The following GABRG2 variants were observed in gnomAD, a reference collection of about 807,000 sequenced individuals.
The protein encoded by GABRG2 is gamma-aminobutyric acid type A receptor subunit gamma2.
In GABRG2, 16 loss-of-function variants were observed where a neutral mutation model predicts 56.4. The observed-to-expected ratio is 0.28, with a 90% confidence interval of 0.19 to 0.43. GABRG2 has a LOEUF of 0.43. Ranked by LOEUF, GABRG2 falls within the 20% of genes least tolerant of loss-of-function variation. GABRG2 has a pLI of 1.00. For synonymous variants in GABRG2, 208 were observed against 205.5 expected, an observed-to-expected ratio of 1.01 and a Z score of -0.10; for missense variants, 327 against 582.7, an observed-to-expected ratio of 0.56 and a Z score of 4.52.
intron 7 of GABRG2, among the ~76,000 whole-genome samples, chr5:162,146,902 T>A (rs1280094144): frequency 2.6e-5 from 4 of 152,222 alleles, no homozygotes; most frequent in Non-Finnish European, 5.9e-5. Context: ...CATACTAAGC[T>A]ACAACTAAAT....
chr5:162,109,071 G>T (rs1762046607), intron 6 of GABRG2, among the ~76,000 whole-genome samples: 1 of 152,018 alleles, frequency 6.6e-6, no homozygotes. Context: ...CATAAAAAAT[G>T]ATGAGTTTAT....
Position 162,067,957 on chromosome 5 carries a change from C to T in GABRG2, c.-43C>T. 1 of 1,358,574 alleles carries T rather than the reference C, an allele frequency of 7.4e-7. No individual in the cohort carries two copies. Among genetic ancestry groups the T allele is most frequent in the South Asian group, 1.2e-5 (1 of 85,940 alleles). 84.2% of individuals were successfully genotyped at this position (1,358,574 alleles called of 1,614,324 possible). ...AATACAAAGGGGAGGGATTCTTCTG[C>T]AACCAAGAGGCAAGAGGCGAGAGAA... On this transcript the variant is annotated 5_prime_UTR_variant, in exon 1 of 10. Transcript: ENST00000639213.
chr5:162,105,937 G>A (rs1761795267), intron 6 of GABRG2, among the ~76,000 whole-genome samples: 1 of 151,852 alleles, frequency 6.6e-6, no homozygotes, highest in South Asian at 2.1e-4. Flanking sequence ...AATTATTCCA[G>A]CACTCTAAAA....
intron 6 of GABRG2, among the ~76,000 whole-genome samples, chr5:162,127,564 CAATG>C (rs1240895499): frequency 1.3e-5 from 2 of 151,798 alleles, no homozygotes; most frequent in African/African-American, 2.4e-5. Context: ...TCTGTTTTGT[CAATG>C]AATGAATGAA....
chr5:162,143,317 A>G (rs1378117554), intron 7 of GABRG2, among the ~76,000 whole-genome samples: 1 of 152,220 alleles, frequency 6.6e-6, no homozygotes, highest in Non-Finnish European at 1.5e-5. Flanking sequence ...ACAGCGATGG[A>G]AAAAATTATT....
rs2113656675 is a variant in GABRG2, at chr5:162,154,735, C to T, written c.*1367C>T. On this transcript the variant is annotated 3_prime_UTR_variant, in exon 10 of 10. Transcript: ENST00000639213. ...GCCCATCCACAATTTTGTTTGTGAA[C>T]TTATAACAGGAATAAGCAAAATTCA... 1 of 151,868 alleles carries T rather than the reference C, an allele frequency of 6.6e-6. No homozygotes were observed. The highest frequency in any genetic ancestry group is 2.1e-4 in the South Asian group (1 of 4,820). 9.4% of individuals were successfully genotyped at this position (151,868 alleles called of 1,614,324 possible). A position where few individuals can be genotyped will look rare whatever the true frequency, so the allele number is the denominator to read the frequency against.
At chr5:162,104,093 A>G in intron 6 of GABRG2, 67 bp downstream of exon 6, 3 of 1,509,456 alleles carry the variant, frequency 2.0e-6, no homozygotes, top group Non-Finnish European at 2.8e-6. Context: ...TATATGAATT[A>G]GAAGATTTTT....
chr5:162,155,347 G>A lies in GABRG2; in HGVS notation c.*1979G>A, dbSNP rs927480746. 4 of 152,410 alleles carry A rather than the reference G, an allele frequency of 2.6e-5. No homozygotes were observed. Among genetic ancestry groups the A allele is most frequent in the Non-Finnish European group, 5.9e-5 (4 of 67,990 alleles). The allele number at this position is 152,410 out of a possible 1,614,324, so 9.4% of individuals were successfully genotyped here. A position where few individuals can be genotyped will look rare whatever the true frequency, so the allele number is the denominator to read the frequency against. ...GTCAACTTGAAATGTGTTCTGTAATGGGGACACTACAAAAAGCTAGCTTTC... is the reference window on the plus strand; with the variant it reads ...GTCAACTTGAAATGTGTTCTGTAATAGGGACACTACAAAAAGCTAGCTTTC... On this transcript the variant is annotated 3_prime_UTR_variant, in exon 10 of 10. Coordinates refer to ENST00000639213, the MANE Select transcript of GABRG2 (RefSeq NM_198904.4).
intron 7 of GABRG2, among the ~76,000 whole-genome samples, chr5:162,145,556 C>A (rs1764891055): frequency 6.6e-6 from 1 of 152,174 alleles, no homozygotes; most frequent in South Asian, 2.1e-4. Flanking sequence ...AGTCTCTTTC[C>A]TGTGGCTCCA....
chr5:162,099,839 A>T (rs2113344357), intron 4 of GABRG2: 1 of 152,294 alleles, frequency 6.6e-6, no homozygotes, highest in South Asian at 2.1e-4. Flanking sequence ...ATCTAAAATG[A>T]GCTATGAGTG....
At chr5:162,086,463 T>C (rs991092250) in intron 1 of GABRG2, among the ~76,000 whole-genome samples, 1 of 151,954 alleles carries the variant, frequency 6.6e-6, no homozygotes, top group African/African-American at 2.4e-5. Context: ...ATTAATGTTA[T>C]AAAAAGCATA....
intron 3 of GABRG2, among the ~76,000 whole-genome samples, chr5:162,096,942 GA>G (rs1409348536): frequency 6.6e-6 from 1 of 151,884 alleles, no homozygotes; most frequent in African/African-American, 2.4e-5. Flanking sequence ...AGTAAATAGT[GA>G]AAAAAACCCT....
At chr5:162,098,030 T>A in intron 4 of GABRG2, 172 bp downstream of exon 4, 1 of 619,022 alleles carries the variant, frequency 1.6e-6, no homozygotes, top group Non-Finnish European at 2.8e-6. Context: ...TTTTTCTTTT[T>A]GTTATCAATG....
chr5:162,118,325 A>G (rs1253211957), intron 6 of GABRG2, among the ~76,000 whole-genome samples: 1 of 151,952 alleles, frequency 6.6e-6, no homozygotes, highest in East Asian at 1.9e-4. Flanking sequence ...TATTGTTTGC[A>G]GTTAATGGCA....
intron 1 of GABRG2, among the ~76,000 whole-genome samples, chr5:162,090,333 A>ATACACT (rs1314209691): frequency 1.3e-5 from 2 of 151,918 alleles, no homozygotes; most frequent in African/African-American, 4.8e-5. Flanking sequence ...TACCATACAC[A>ATACACT]TACACATACA....
intron 1 of GABRG2, among the ~76,000 whole-genome samples, chr5:162,070,851 C>G (rs1028256037): frequency 6.6e-6 from 1 of 151,876 alleles, no homozygotes; most frequent in Admixed American, 6.6e-5. Context: ...AAGGAATATT[C>G]AACAGGAGTA....
chr5:162,092,851 A>G (rs1036018928), intron 1 of GABRG2, among the ~76,000 whole-genome samples: 1 of 152,168 alleles, frequency 6.6e-6, no homozygotes, highest in African/African-American at 2.4e-5. Context: ...AAACTACAAA[A>G]GTAACCAATA....
intron 6 of GABRG2, among the ~76,000 whole-genome samples, chr5:162,127,990 A>G (rs2113521199): frequency 6.6e-6 from 1 of 152,146 alleles, no homozygotes; most frequent in Non-Finnish European, 1.5e-5. Flanking sequence ...GGAGGTGGAA[A>G]GCAAGGCTTT....
intron 6 of GABRG2, among the ~76,000 whole-genome samples, chr5:162,107,625 G>C (rs759405605): frequency 5.9e-5 from 9 of 152,120 alleles, no homozygotes; most frequent in Non-Finnish European, 1.0e-4. Flanking sequence ...GTGGTGGGTC[G>C]ATAAGATTTG....
Sources: gnomAD v4.1 joint callset for allele counts (sites outside exome capture counted in the v4.1 genomes callset) on GRCh38, gnomAD v4.1.1 for gene constraint, MANE v1.5 for transcripts, NCBI Gene and HGNC (gene_info 2026-07-23, HGNC 2026-07-21) for gene names.